The following DOCK2 variants were observed in gnomAD, a reference collection of about 807,000 sequenced individuals.
The protein encoded by DOCK2 is dedicator of cytokinesis protein 2.
DOCK2 carries 87 observed loss-of-function variants against 248.9 expected under a neutral mutation model. The observed-to-expected ratio is 0.35, with a 90% CI of 0.29 to 0.42. The LOEUF (loss-of-function observed/expected upper bound fraction) is 0.42, where lower values mean the gene tolerates loss of function less well. Ranked by LOEUF, DOCK2 falls within the 10% of genes least tolerant of loss-of-function variation. DOCK2 has a pLI of 1.00. For missense variants in DOCK2, 1,747 were observed against 2,300.2 expected, an observed-to-expected ratio of 0.76 and a Z score of 4.92; for synonymous variants, 805 against 821.6, an observed-to-expected ratio of 0.98 and a Z score of 0.35.
chr5:169,867,770 C>T (rs1381644292), intron 27 of DOCK2, among the ~76,000 whole-genome samples: 1 of 152,136 alleles, frequency 6.6e-6, no homozygotes, highest in African/African-American at 2.4e-5. Flanking sequence ...CCTGGTACTG[C>T]ACCCCTATTT....
intron 27 of DOCK2, among the ~76,000 whole-genome samples, chr5:169,921,154 C>T (rs1775153401): frequency 1.3e-5 from 2 of 152,104 alleles, no homozygotes; most frequent in Non-Finnish European, 2.9e-5. Flanking sequence ...CAATGTTAGC[C>T]TGGAAAAGTG....
At chr5:169,821,537 G>A (rs1351598540) in intron 26 of DOCK2, among the ~76,000 whole-genome samples, 1 of 152,064 alleles carries the variant, frequency 6.6e-6, no homozygotes, top group Non-Finnish European at 1.5e-5. Context: ...ATAAGTGAAG[G>A]AGAAATAAAA....
At chr5:169,864,488 A>T (rs1463896414) in intron 27 of DOCK2, 2 of 1,480,330 alleles carry the variant, frequency 1.4e-6, no homozygotes, top group Non-Finnish European at 9.0e-7. Flanking sequence ...AAGGAAGGAA[A>T]GTGAATTCGA....
chr5:169,648,715 TCA>T (rs553821625), intron 1 of DOCK2, among the ~76,000 whole-genome samples: 7 of 152,130 alleles, frequency 4.6e-5, no homozygotes, highest in Non-Finnish European at 1.0e-4. Context: ...ACGATAATAA[TCA>T]CACCCACCCC....
At chr5:169,966,919 A>G (rs1777321365) in intron 27 of DOCK2, among the ~76,000 whole-genome samples, 1 of 152,218 alleles carries the variant, frequency 6.6e-6, no homozygotes, top group South Asian at 2.1e-4. Flanking sequence ...TCCATGCGCC[A>G]TCAAATTAGA....
intron 27 of DOCK2, among the ~76,000 whole-genome samples, chr5:169,927,878 AG>A (rs1401652368): frequency 6.6e-6 from 1 of 152,188 alleles, no homozygotes; most frequent in African/African-American, 2.4e-5. Context: ...GGCCTCCCAA[AG>A]TGCTGGGATT....
intron 28 of DOCK2, among the ~76,000 whole-genome samples, chr5:169,984,141 C>T (rs1778007243): frequency 6.6e-6 from 1 of 152,180 alleles, no homozygotes. Context: ...AGTCACATTT[C>T]ACAACTCTAC....
chr5:169,930,283 C>T (rs1399362780), intron 27 of DOCK2, among the ~76,000 whole-genome samples: 3 of 152,188 alleles, frequency 2.0e-5, no homozygotes, highest in Non-Finnish European at 4.4e-5. Flanking sequence ...AGCCACCGCA[C>T]CTGGCCTAAT....
chr5:170,022,648 A>G (rs1755770232), intron 33 of DOCK2, among the ~76,000 whole-genome samples: 1 of 152,160 alleles, frequency 6.6e-6, no homozygotes, highest in African/African-American at 2.4e-5. Flanking sequence ...TGGCCAGGAC[A>G]CATGCTAGTC....
intron 32 of DOCK2, among the ~76,000 whole-genome samples, chr5:170,013,036 G>C (rs17738438): frequency 0.088 from 13,316 of 152,068 alleles, 776 homozygotes; most frequent in East Asian, 0.35. Flanking sequence ...GTGTAGTGGG[G>C]ACTCAGGAGT....
At chr5:169,683,742 T>A (rs1759800382) in intron 7 of DOCK2, among the ~76,000 whole-genome samples, 2 of 152,204 alleles carry the variant, frequency 1.3e-5, no homozygotes, top group Admixed American at 1.3e-4. Context: ...TCTTGGGAAG[T>A]GTCTGGTCAA....
chr5:169,972,856 G>A (rs1382859068), intron 27 of DOCK2, among the ~76,000 whole-genome samples: 3 of 152,116 alleles, frequency 2.0e-5, no homozygotes, highest in South Asian at 2.1e-4. Context: ...TAAGCACTGC[G>A]GAATTGAGCA....
chr5:169,767,692 A>AT (rs1764868443), intron 25 of DOCK2, among the ~76,000 whole-genome samples: 1 of 152,196 alleles, frequency 6.6e-6, no homozygotes, highest in South Asian at 2.1e-4. Flanking sequence ...AAATGCATCT[A>AT]TTTTGTCTGT....
At chr5:169,670,634 G>A in intron 4 of DOCK2, 37 bp downstream of exon 4, 1 of 1,610,958 alleles carries the variant, frequency 6.2e-7, no homozygotes, top group Non-Finnish European at 8.5e-7. Context: ...AGCCTCCAGT[G>A]GCTCATGGAT....
At chr5:169,777,169 A>G (rs1184797306) in intron 25 of DOCK2, among the ~76,000 whole-genome samples, 1 of 152,200 alleles carries the variant, frequency 6.6e-6, no homozygotes, top group African/African-American at 2.4e-5. Context: ...ACAAAGGTGC[A>G]TGCACACACA....
intron 2 of DOCK2, among the ~76,000 whole-genome samples, chr5:169,667,202 A>G (rs1250250897): frequency 6.6e-6 from 1 of 152,174 alleles, no homozygotes; most frequent in Admixed American, 6.5e-5. Flanking sequence ...GACCTTAGCC[A>G]TCATGTGGGT....
chr5:169,749,430 G>A (rs143694384), intron 23 of DOCK2, among the ~76,000 whole-genome samples: 49 of 151,982 alleles, frequency 3.2e-4, no homozygotes, highest in African/African-American at 1.2e-3. Flanking sequence ...CCTAATATTA[G>A]GATTATTCTG....
chr5:169,978,392 TGGGGGGGGGGGGGTGTAG>T (rs1777802761), intron 27 of DOCK2, among the ~76,000 whole-genome samples: 5 of 22,732 alleles, frequency 2.2e-4, no homozygotes, highest in African/African-American at 5.7e-4. Context: ...TGTGTGTGTG[TGGGGGGGGGGGGGTGTAG>T]GTGTGTTTGC....
intron 2 of DOCK2, among the ~76,000 whole-genome samples, chr5:169,668,078 A>G (rs1758833658): frequency 6.6e-6 from 1 of 152,222 alleles, no homozygotes; most frequent in Non-Finnish European, 1.5e-5. Flanking sequence ...ACTGCAACCT[A>G]CTAGCTGTGT....
Sources: gnomAD v4.1 joint callset for allele counts (sites outside exome capture counted in the v4.1 genomes callset) on GRCh38, gnomAD v4.1.1 for gene constraint, MANE v1.5 for transcripts, NCBI Gene and HGNC (gene_info 2026-07-23, HGNC 2026-07-21) for gene names.